The following PRKG1 variants were observed in gnomAD, a reference collection of about 807,000 sequenced individuals.
PRKG1 encodes protein kinase cGMP-dependent 1.
A neutral mutation model predicts 88.1 loss-of-function variants in PRKG1; 35 were observed. The observed-to-expected ratio is 0.40, with a 90% CI of 0.30 to 0.53. The LOEUF (loss-of-function observed/expected upper bound fraction) is 0.53, where lower values mean the gene tolerates loss of function less well. Ranked by LOEUF, PRKG1 falls within the 20% of genes least tolerant of loss-of-function variation. The pLI, the probability that PRKG1 is intolerant of heterozygous loss-of-function variation, is 0.59. For missense variants in PRKG1, 540 were observed against 839.8 expected (o/e 0.64, Z 4.41); for synonymous variants, 303 against 292.5 (o/e 1.04, Z -0.37).
chr10:51,384,434 G>A (rs568392672), intron 2 of PRKG1, among the ~76,000 whole-genome samples: 1 of 152,170 alleles, frequency 6.6e-6, no homozygotes, highest in African/African-American at 2.4e-5. Context: ...CGGATTTAAG[G>A]AGCCTGTTCT....
intron 3 of PRKG1, among the ~76,000 whole-genome samples, chr10:51,787,567 A>G (rs1483219386): frequency 2.0e-5 from 3 of 152,164 alleles, no homozygotes; most frequent in Non-Finnish European, 4.4e-5. Flanking sequence ...GCCAGGCTTA[A>G]GAGTTTAGAA....
At chr10:51,115,708 G>T (rs368354353) in intron 1 of PRKG1, among the ~76,000 whole-genome samples, 1 of 151,468 alleles carries the variant, frequency 6.6e-6, no homozygotes, top group African/African-American at 2.4e-5. Context: ...GTGGTGACGC[G>T]CACCTGTAGT....
At chr10:51,411,738 A>G (rs1434062871) in intron 2 of PRKG1, among the ~76,000 whole-genome samples, 1 of 152,208 alleles carries the variant, frequency 6.6e-6, no homozygotes, top group Non-Finnish European at 1.5e-5. Flanking sequence ...TTCAGCCAGA[A>G]CAGAGCAAAG....
chr10:51,794,345 C>T lies in PRKG1; in HGVS notation c.593-10240C>T, dbSNP rs72799423. ...AAGAAACCCAGATATAAAGTAAAAC[C>T]TAGATCAAATGGACCTAACTTAATT... On this transcript the variant is annotated intron_variant, in intron 3 of 17. Coordinates refer to ENST00000373980, the MANE Select transcript of PRKG1 (RefSeq NM_006258.4). 5.7e-3 allele frequency among the ~76,000 whole-genome samples: 863 copies of T among 152,108 alleles called. 6 individuals carry two copies. Among genetic ancestry groups the T allele is most frequent in the South Asian group, 0.014 (68 of 4,826 alleles).
At chr10:51,938,964 G>T (rs535190655) in intron 5 of PRKG1, among the ~76,000 whole-genome samples, 3 of 152,030 alleles carry the variant, frequency 2.0e-5, no homozygotes, top group Middle Eastern at 3.4e-3. Flanking sequence ...ATAGGGAAAG[G>T]GTATGTGGAT....
chr10:52,107,452 A>G (rs1847453676), intron 7 of PRKG1, among the ~76,000 whole-genome samples: 1 of 152,196 alleles, frequency 6.6e-6, no homozygotes, highest in Non-Finnish European at 1.5e-5. Flanking sequence ...CTAAGGAATG[A>G]CATTTTTATA....
At chr10:51,339,748 C>T (rs1256400680) in intron 2 of PRKG1, among the ~76,000 whole-genome samples, 1 of 151,740 alleles carries the variant, frequency 6.6e-6, no homozygotes, top group Non-Finnish European at 1.5e-5. Flanking sequence ...AGTATCATTC[C>T]AAAAGCCATA....
At chr10:52,260,443 C>T (rs575645846) in intron 10 of PRKG1, among the ~76,000 whole-genome samples, 2 of 152,176 alleles carry the variant, frequency 1.3e-5, no homozygotes, top group African/African-American at 4.8e-5. Flanking sequence ...TTGAATTTCA[C>T]AGTATGTGAT....
intron 1 of PRKG1, among the ~76,000 whole-genome samples, chr10:51,017,597 A>G (rs183955957): frequency 1.3e-5 from 2 of 152,246 alleles, no homozygotes; most frequent in East Asian, 1.9e-4. Context: ...TTCTAGTCCA[A>G]TAGACACTTT....
chr10:51,176,721 C>T (rs888073685), intron 2 of PRKG1, among the ~76,000 whole-genome samples: 6 of 152,016 alleles, frequency 3.9e-5, no homozygotes, highest in African/African-American at 1.4e-4. Context: ...GGCCAGGTGA[C>T]AGACTAAGAG....
intron 3 of PRKG1, among the ~76,000 whole-genome samples, chr10:51,516,311 G>A (rs1404812084): frequency 6.6e-6 from 1 of 152,022 alleles, no homozygotes; most frequent in Non-Finnish European, 1.5e-5. Flanking sequence ...CCGAAGTCAA[G>A]TTGCCTCTCC....
At chr10:52,211,713 A>AAG (rs897218420) in intron 9 of PRKG1, among the ~76,000 whole-genome samples, 1 of 151,610 alleles carries the variant, frequency 6.6e-6, no homozygotes, top group African/African-American at 2.4e-5. Context: ...AAAAAAAAAA[A>AAG]AAAAGAAAAG....
intron 3 of PRKG1, among the ~76,000 whole-genome samples, chr10:51,727,285 AAT>A (rs1554835904): frequency 1.4e-5 from 2 of 140,306 alleles, no homozygotes; most frequent in African/African-American, 2.6e-5. Flanking sequence ...AAAAAAAAAA[AAT>A]ATATATATAT....
chr10:52,148,445 A>G (rs1270653575), intron 8 of PRKG1, among the ~76,000 whole-genome samples: 1 of 152,220 alleles, frequency 6.6e-6, no homozygotes, highest in Non-Finnish European at 1.5e-5. Flanking sequence ...CAATGAGATC[A>G]TGAAGGTAAA....
At chr10:52,001,977 TGAAATAAGAA>T (rs1844612108) in intron 5 of PRKG1, among the ~76,000 whole-genome samples, 1 of 151,988 alleles carries the variant, frequency 6.6e-6, no homozygotes, top group African/African-American at 2.4e-5. Context: ...ACAGCAACCA[TGAAATAAGAA>T]TTGTATATGA....
At chr10:51,699,704 T>G in intron 3 of PRKG1, 3 of 740,704 alleles carry the variant, frequency 4.1e-6, no homozygotes, top group Non-Finnish European at 4.4e-6. Flanking sequence ...GGAACCTGCA[T>G]CCCACTAACA....
intron 5 of PRKG1, 74 bp downstream of exon 5, chr10:51,907,644 G>T: frequency 7.6e-7 from 1 of 1,321,620 alleles, no homozygotes; most frequent in South Asian, 1.2e-5. Flanking sequence ...ACAGCTGTGT[G>T]ATGAGGAATC....
intron 7 of PRKG1, among the ~76,000 whole-genome samples, chr10:52,063,985 G>C (rs1406018775): frequency 2.6e-5 from 4 of 152,180 alleles, no homozygotes; most frequent in Admixed American, 2.6e-4. Context: ...GTGGCAATAG[G>C]CAGGTCCAGA....
chr10:51,423,848 A>G (rs1289780323), intron 2 of PRKG1, among the ~76,000 whole-genome samples: 1 of 152,136 alleles, frequency 6.6e-6, no homozygotes, highest in African/African-American at 2.4e-5. Flanking sequence ...CAGATTTTAG[A>G]AATAAATGAA....
Sources: gnomAD v4.1 joint callset for allele counts (sites outside exome capture counted in the v4.1 genomes callset) on GRCh38, gnomAD v4.1.1 for gene constraint, MANE v1.5 for transcripts, NCBI Gene and HGNC (gene_info 2026-07-23, HGNC 2026-07-21) for gene names.